Variants in GALNT13 observed in about 807,000 individuals in gnomAD.
GALNT13 encodes the protein UDP-GalNAc:polypeptide N-acetylgalactosaminyltransferase 13.
In GALNT13, 28 loss-of-function variants were observed where a neutral mutation model predicts 64.2. The observed-to-expected ratio is 0.44, with a 90% CI of 0.32 to 0.60. GALNT13 has a LOEUF of 0.60. GALNT13 is among the 20% of genes least tolerant of loss of function. The probability of loss-of-function intolerance (pLI) is 0.05; values close to 1 mark genes in which losing one functional copy is unlikely to be tolerated. For synonymous variants in GALNT13, 214 were observed against 224.6 expected, an observed-to-expected ratio of 0.95 and a Z score of 0.42; for missense variants, 577 against 669.8, an observed-to-expected ratio of 0.86 and a Z score of 1.53.
At chr2:153,425,967 A>C in the GALNT13 span, among the ~76,000 whole-genome samples, 1 of 151,912 alleles carries the variant, frequency 6.6e-6, no homozygotes, top group Admixed American at 6.6e-5. Context: ...CAAAAAACAT[A>C]AAAAACTTCT....
At chr2:153,751,806 G>A in the GALNT13 span, among the ~76,000 whole-genome samples, 1 of 151,016 alleles carries the variant, frequency 6.6e-6, no homozygotes, top group South Asian at 2.1e-4. Flanking sequence ...TCTTCTGATT[G>A]GAAAGTTTAG....
At position 154,246,206 on chromosome 2, in the gene GALNT13, T is replaced by G. The variant is rs375922600; in HGVS notation, c.857+224T>G. 3.3e-5 allele frequency among the ~76,000 whole-genome samples: 5 copies of G among 152,274 alleles called. No individual in the cohort carries two copies. The South Asian group carries it at 1.0e-3, about 32-fold the overall frequency. ...ATTGGCAAAAATGCTAAATATCTTTTGAAAGTTTATGTATTCTTGTATTCA... is the reference window on the plus strand; with the variant it reads ...ATTGGCAAAAATGCTAAATATCTTTGGAAAGTTTATGTATTCTTGTATTCA... On this transcript the variant is annotated intron_variant, in intron 7 of 12. Coordinates refer to ENST00000392825, the MANE Select transcript of GALNT13 (RefSeq NM_052917.4).
chr2:154,120,740 A>C (rs1681892883), intron 3 of GALNT13, among the ~76,000 whole-genome samples: 1 of 152,180 alleles, frequency 6.6e-6, no homozygotes, highest in Non-Finnish European at 1.5e-5. Context: ...TAGGGACCCA[A>C]GGTAAGTTAA....
the GALNT13 span, among the ~76,000 whole-genome samples, chr2:153,298,014 G>A: frequency 6.6e-6 from 1 of 152,122 alleles, no homozygotes; most frequent in Non-Finnish European, 1.5e-5. Flanking sequence ...GGCTGGTTCT[G>A]AGCATGTAAT....
At chr2:153,583,515 C>T in the GALNT13 span, among the ~76,000 whole-genome samples, 2,026 of 152,274 alleles carry the variant, frequency 0.013, 49 homozygotes, top group African/African-American at 0.047. Context: ...GTGTGTCATC[C>T]AGGAACTGGG....
chr2:153,138,684 T>C, the GALNT13 span, among the ~76,000 whole-genome samples: 1 of 152,132 alleles, frequency 6.6e-6, no homozygotes, highest in Non-Finnish European at 1.5e-5. Context: ...ATGTTATCTA[T>C]GTTGTATTTT....
At chr2:153,703,396 G>A in the GALNT13 span, among the ~76,000 whole-genome samples, 1 of 151,730 alleles carries the variant, frequency 6.6e-6, no homozygotes, top group African/African-American at 2.4e-5. Flanking sequence ...TTCATATTCA[G>A]GTTCTTTCCC....
intron 2 of GALNT13, among the ~76,000 whole-genome samples, chr2:153,921,058 C>A (rs1689721777): frequency 6.6e-6 from 1 of 152,190 alleles, no homozygotes; most frequent in African/African-American, 2.4e-5. Flanking sequence ...TTGTGGAAAA[C>A]AGTGTAATGA....
chr2:153,147,247 G>A, the GALNT13 span, among the ~76,000 whole-genome samples: 1 of 151,842 alleles, frequency 6.6e-6, no homozygotes, highest in Non-Finnish European at 1.5e-5. Flanking sequence ...GGAGCCCTAT[G>A]TACAGGTAAA....
the GALNT13 span, among the ~76,000 whole-genome samples, chr2:153,368,345 G>C: frequency 6.6e-6 from 1 of 152,080 alleles, no homozygotes; most frequent in Non-Finnish European, 1.5e-5. Flanking sequence ...GAGCAAGAAG[G>C]TAGCCATTTG....
At chr2:153,083,913 A>G in the GALNT13 span, among the ~76,000 whole-genome samples, 2 of 152,222 alleles carry the variant, frequency 1.3e-5, no homozygotes, top group African/African-American at 2.4e-5. Context: ...TGGTTTTTGC[A>G]TAAGGTGAGA....
At chr2:154,356,961 A>G (rs959855396) in intron 9 of GALNT13, among the ~76,000 whole-genome samples, 2 of 152,030 alleles carry the variant, frequency 1.3e-5, no homozygotes, top group African/African-American at 2.4e-5. Context: ...CTATATAAAT[A>G]TAGATATTTG....
At chr2:154,021,912 G>A in intron 3 of GALNT13, among the ~76,000 whole-genome samples, 1 of 151,898 alleles carries the variant, frequency 6.6e-6, no homozygotes, top group East Asian at 1.9e-4. Flanking sequence ...TTAGCATGAA[G>A]GGTTGTTGAA....
intron 12 of GALNT13, among the ~76,000 whole-genome samples, chr2:154,440,944 A>G (rs1008508024): frequency 1.3e-5 from 2 of 152,088 alleles, no homozygotes; most frequent in Non-Finnish European, 2.9e-5. Flanking sequence ...TCAGTTTTAC[A>G]TTTAGGGTTT....
At chr2:153,088,525 G>A in the GALNT13 span, among the ~76,000 whole-genome samples, 1 of 152,092 alleles carries the variant, frequency 6.6e-6, no homozygotes, top group Non-Finnish European at 1.5e-5. Flanking sequence ...TTGACTTTCT[G>A]TCTTGATGAC....
At chr2:153,106,539 A>T in the GALNT13 span, among the ~76,000 whole-genome samples, 2 of 152,172 alleles carry the variant, frequency 1.3e-5, no homozygotes, top group African/African-American at 4.8e-5. Context: ...CAGGAATAAA[A>T]ATGATGCAGT....
At chr2:153,591,874 A>G in the GALNT13 span, among the ~76,000 whole-genome samples, 1 of 152,160 alleles carries the variant, frequency 6.6e-6, no homozygotes, top group Non-Finnish European at 1.5e-5. Flanking sequence ...AGAAATAATC[A>G]ACAGGGTAAA....
chr2:153,443,379 C>T, the GALNT13 span, among the ~76,000 whole-genome samples: 5 of 152,156 alleles, frequency 3.3e-5, no homozygotes, highest in Admixed American at 3.3e-4. Flanking sequence ...GGGCTGCACC[C>T]AGTGTCTAGC....
the GALNT13 span, among the ~76,000 whole-genome samples, chr2:153,268,179 T>C: frequency 3.9e-5 from 6 of 152,154 alleles, no homozygotes; most frequent in Non-Finnish European, 7.3e-5. Context: ...TATAAGCCAG[T>C]AAAATCAAAA....
Sources: allele counts gnomAD v4.1 joint callset (sites outside exome capture counted in the v4.1 genomes callset), GRCh38; gene constraint gnomAD v4.1.1; transcripts MANE v1.5; gene names NCBI Gene and HGNC (gene_info 2026-07-23, HGNC 2026-07-21).